Variants in PLD5 observed in about 807,000 individuals in gnomAD.
PLD5 encodes phospholipase D family member 5, also known as inactive phospholipase D5.
Under a neutral mutation model 61.1 loss-of-function variants are expected in PLD5, and 36 were observed. That is an observed-to-expected ratio of 0.59 (90% CI 0.45 to 0.78). The LOEUF (loss-of-function observed/expected upper bound fraction) is 0.78, where lower values mean the gene tolerates loss of function less well. Ranked by LOEUF, PLD5 falls within the 30% of genes least tolerant of loss-of-function variation. PLD5 has a pLI of 0.00. For missense variants in PLD5, 515 were observed against 644.4 expected, an observed-to-expected ratio of 0.80 and a Z score of 2.17; for synonymous variants, 243 against 242.8, an observed-to-expected ratio of 1.00 and a Z score of -0.01.
chr1:242,421,077 G>A (rs1665115354), intron 1 of PLD5, among the ~76,000 whole-genome samples: 1 of 150,774 alleles, frequency 6.6e-6, no homozygotes, highest in South Asian at 2.1e-4. Context: ...CTACTCGGGA[G>A]GCTGAAGCAG....
chr1:242,105,347 C>A (rs1490527293), intron 8 of PLD5, among the ~76,000 whole-genome samples: 1 of 152,056 alleles, frequency 6.6e-6, no homozygotes, highest in East Asian at 1.9e-4. Context: ...CCTCAGCCTC[C>A]CAAGTAGCTA....
At chr1:242,351,695 C>A (rs1660486461) in intron 1 of PLD5, among the ~76,000 whole-genome samples, 1 of 152,160 alleles carries the variant, frequency 6.6e-6, no homozygotes, top group South Asian at 2.1e-4. Context: ...ATACAGCATC[C>A]TTCTGAGAAT....
chr1:242,411,670 T>A (rs1041911818), intron 1 of PLD5, among the ~76,000 whole-genome samples: 7 of 152,156 alleles, frequency 4.6e-5, no homozygotes, highest in Admixed American at 4.6e-4. Flanking sequence ...TTAATTGAAA[T>A]TTTTTTGAGA....
At chr1:242,123,094 G>C (rs951271493) in intron 6 of PLD5, among the ~76,000 whole-genome samples, 2 of 152,154 alleles carry the variant, frequency 1.3e-5, no homozygotes, top group African/African-American at 2.4e-5. Context: ...CTATAAATCT[G>C]CACTTTAAGC....
chr1:242,301,578 G>A (rs1676036908), intron 2 of PLD5, among the ~76,000 whole-genome samples: 1 of 151,946 alleles, frequency 6.6e-6, no homozygotes, highest in South Asian at 2.1e-4. Context: ...TATCAGCCTG[G>A]AGACCAACCC....
intron 8 of PLD5, among the ~76,000 whole-genome samples, chr1:242,103,835 C>T (rs778337795): frequency 6.6e-6 from 1 of 152,172 alleles, no homozygotes; most frequent in African/African-American, 2.4e-5. Flanking sequence ...CCTCAGTTTA[C>T]AAAAACCAGT....
intron 1 of PLD5, among the ~76,000 whole-genome samples, chr1:242,372,151 T>C (rs1661673082): frequency 1.3e-5 from 2 of 152,206 alleles, no homozygotes; most frequent in South Asian, 4.1e-4. Flanking sequence ...CTCCTGTATA[T>C]TCCTAAATTT....
intron 1 of PLD5, chr1:242,449,406 T>C: frequency 6.5e-7 from 1 of 1,536,068 alleles, no homozygotes; most frequent in East Asian, 2.4e-5. Context: ...CCAGGAGCTG[T>C]CGCTGATGTG....
intron 4 of PLD5, among the ~76,000 whole-genome samples, chr1:242,232,008 C>G (rs2149038679): frequency 6.7e-6 from 1 of 149,464 alleles, no homozygotes; most frequent in African/African-American, 2.4e-5. Context: ...GACAGCTTAA[C>G]TAAGATATTC....
chr1:242,132,605 T>A (rs1467046783), intron 5 of PLD5, among the ~76,000 whole-genome samples: 1 of 152,166 alleles, frequency 6.6e-6, no homozygotes, highest in Non-Finnish European at 1.5e-5. Flanking sequence ...GTTTCTGCCC[T>A]CAAGGTGAAA....
rs544277501 is a variant in PLD5 at position 242,373,215 on chromosome 1, G to A, written c.190-24973C>T. ...CGTGAAAAAATGCTCATCATCACTGGCTATCAGAGAAACGCAAATCAAAAC... is the reference window on the plus strand; with the variant it reads ...CGTGAAAAAATGCTCATCATCACTGACTATCAGAGAAACGCAAATCAAAAC... On this transcript the variant is annotated intron_variant, in intron 1 of 9. Coordinates refer to ENST00000536534, the MANE Select transcript of PLD5 (RefSeq NM_001372062.1). Among the ~76,000 whole-genome samples the A allele has an allele frequency of 4.6e-5, 7 of 152,238 alleles. No individual in the cohort carries two copies. The South Asian group carries it at 1.5e-3, about 32-fold the overall frequency.
chr1:242,205,366 A>G (rs1364922770), intron 5 of PLD5, among the ~76,000 whole-genome samples: 1 of 152,244 alleles, frequency 6.6e-6, no homozygotes, highest in African/African-American at 2.4e-5. Context: ...TCTTTTGAAT[A>G]ACACTTGCCA....
At chr1:242,516,074 T>C (rs567466340) in intron 1 of PLD5, among the ~76,000 whole-genome samples, 80 of 152,162 alleles carry the variant, frequency 5.3e-4, no homozygotes, top group African/African-American at 1.8e-3. Context: ...CACCTTTTCA[T>C]GCATTTACTG....
chr1:242,106,545 G>A (rs140672385), intron 8 of PLD5, among the ~76,000 whole-genome samples: 142 of 152,304 alleles, frequency 9.3e-4, no homozygotes, highest in African/African-American at 3.3e-3. Context: ...GCATGGCCAT[G>A]TGAAAGCTAT....
intron 5 of PLD5, among the ~76,000 whole-genome samples, chr1:242,178,523 G>A (rs1667317996): frequency 6.6e-6 from 1 of 152,136 alleles, no homozygotes; most frequent in South Asian, 2.1e-4. Flanking sequence ...CTACTCTGGT[G>A]CTGACTTTCC....
chr1:242,428,191 C>G (rs1665535369), intron 1 of PLD5, among the ~76,000 whole-genome samples: 1 of 152,142 alleles, frequency 6.6e-6, no homozygotes, highest in South Asian at 2.1e-4. Context: ...ATTTTAGACT[C>G]TTTGATACAG....
At position 242,113,937 on chromosome 1, in the gene PLD5, G is replaced by A; in HGVS notation, c.1023C>T (p.Tyr341=). The stretch of plus-strand genomic sequence containing the variant: ...TAGGCAGGTAGTCCATGACAGCGAT[G>A]TACACATACTGCTTGGCATCATCTA... ...SVIDDAKQYV[Y]IAVMDYLPIS... The change falls in exon 7 of 10, where the codon TAC becomes TAT. Residue 341 remains tyrosine (Y), a synonymous_variant. Coordinates refer to ENST00000536534, the MANE Select transcript of PLD5 (RefSeq NM_001372062.1). 1.2e-6 allele frequency: 2 copies of A among 1,614,092 alleles called. No homozygotes were observed. Among genetic ancestry groups the A allele is most frequent in the African/African-American group, 1.3e-5 (1 of 75,062 alleles).
At chr1:242,480,592 A>AAT (rs1667739896) in intron 1 of PLD5, among the ~76,000 whole-genome samples, 1 of 152,212 alleles carries the variant, frequency 6.6e-6, no homozygotes, top group Non-Finnish European at 1.5e-5. Context: ...AAATATTTGC[A>AAT]ATATATATAG....
intron 6 of PLD5, among the ~76,000 whole-genome samples, chr1:242,114,859 T>C (rs935675927): frequency 6.6e-6 from 1 of 152,124 alleles, no homozygotes; most frequent in East Asian, 1.9e-4. Context: ...TATTTCATTA[T>C]ATATTACAAT....
Sources: allele counts gnomAD v4.1 joint callset (sites outside exome capture counted in the v4.1 genomes callset), GRCh38; gene constraint gnomAD v4.1.1; transcripts MANE v1.5; gene names NCBI Gene and HGNC (gene_info 2026-07-23, HGNC 2026-07-21).